Variants in CDK14 observed in about 807,000 individuals in gnomAD.
CDK14 encodes cyclin-dependent kinase 14.
Under a neutral mutation model 60.7 loss-of-function variants are expected in CDK14, and 34 were observed. The observed-to-expected ratio is 0.56, with a 90% confidence interval of 0.43 to 0.75. The LOEUF (loss-of-function observed/expected upper bound fraction) is 0.75. Among genes scored for constraint, CDK14 ranks in the 30% least tolerant of loss-of-function variants. The pLI is 0.00. For synonymous variants in CDK14, 197 were observed against 203.7 expected, an observed-to-expected ratio of 0.97 and a Z score of 0.28; for missense variants, 482 against 564.1, an observed-to-expected ratio of 0.85 and a Z score of 1.47.
chr7:90,606,037 C>G (rs17874809), intron 2 of CDK14, among the ~76,000 whole-genome samples: 2 of 152,166 alleles, frequency 1.3e-5, no homozygotes, highest in Non-Finnish European at 1.5e-5. Context: ...TCATCCTTAG[C>G]TTTTGCAAAG....
At chr7:90,635,070 C>A (rs1314579201) in intron 2 of CDK14, among the ~76,000 whole-genome samples, 1 of 151,880 alleles carries the variant, frequency 6.6e-6, no homozygotes, top group African/African-American at 2.4e-5. Context: ...AAATTTTCTC[C>A]CATTTTGTAG....
At chr7:90,698,473 A>G (rs1563048947) in intron 2 of CDK14, among the ~76,000 whole-genome samples, 1 of 152,214 alleles carries the variant, frequency 6.6e-6, no homozygotes, top group Non-Finnish European at 1.5e-5. Context: ...ATACATAGAT[A>G]ATATGCATCA....
chr7:90,954,376 A>C (rs1794346282), intron 8 of CDK14, among the ~76,000 whole-genome samples: 1 of 152,154 alleles, frequency 6.6e-6, no homozygotes, highest in African/African-American at 2.4e-5. Context: ...TGCTATAAAC[A>C]TAACAGTAAA....
chr7:91,093,986 G>A (rs1166994873), intron 12 of CDK14, among the ~76,000 whole-genome samples: 1 of 152,038 alleles, frequency 6.6e-6, no homozygotes, highest in Non-Finnish European at 1.5e-5. Context: ...AGTATTCATG[G>A]ACACAAAGAT....
At chr7:90,697,811 G>A (rs1801693582) in intron 2 of CDK14, among the ~76,000 whole-genome samples, 1 of 152,034 alleles carries the variant, frequency 6.6e-6, no homozygotes, top group South Asian at 2.1e-4. Flanking sequence ...GCTCACACCT[G>A]TAATCCCAGC....
chr7:90,955,667 A>G (rs1305220314), intron 8 of CDK14, 30 bp from the exon 9 acceptor site: 3 of 1,610,922 alleles, frequency 1.9e-6, no homozygotes, highest in African/African-American at 2.7e-5. Context: ...AATGCCTGTT[A>G]AACTTCTTTA....
At chr7:90,730,845 C>T (rs181141556) in intron 3 of CDK14, among the ~76,000 whole-genome samples, 1 of 152,310 alleles carries the variant, frequency 6.6e-6, no homozygotes, top group East Asian at 1.9e-4. Flanking sequence ...TGTGCAGGAG[C>T]TCTTTCGTTT....
chr7:90,861,063 G>A (rs1299108765), intron 5 of CDK14, among the ~76,000 whole-genome samples: 4 of 152,128 alleles, frequency 2.6e-5, no homozygotes, highest in Non-Finnish European at 5.9e-5. Context: ...GGTCAAACTT[G>A]AGGAAGAGCT....
intron 9 of CDK14, among the ~76,000 whole-genome samples, chr7:90,966,855 A>G (rs754974001): frequency 6.6e-6 from 1 of 152,118 alleles, no homozygotes; most frequent in Non-Finnish European, 1.5e-5. Context: ...GCTGTAACTC[A>G]CTGCCTGTGG....
intron 5 of CDK14, among the ~76,000 whole-genome samples, chr7:90,818,968 G>T (rs778596942): frequency 2.6e-4 from 40 of 151,716 alleles, no homozygotes; most frequent in Admixed American, 5.3e-4. Flanking sequence ...TATACATATT[G>T]CTGTATTTGG....
At chr7:90,887,652 A>G (rs1012142151) in intron 6 of CDK14, among the ~76,000 whole-genome samples, 3 of 152,314 alleles carry the variant, frequency 2.0e-5, no homozygotes, top group African/African-American at 7.2e-5. Flanking sequence ...TCAGATATTC[A>G]TGACCATGTT....
intron 8 of CDK14, among the ~76,000 whole-genome samples, chr7:90,936,742 C>G (rs1396149139): frequency 6.6e-6 from 1 of 152,154 alleles, no homozygotes; most frequent in Non-Finnish European, 1.5e-5. Context: ...CACTTACTTC[C>G]TGGTACACGA....
rs578102527 is a variant in CDK14, at chr7:90,639,201, G to C, written c.123+34952G>C. On this transcript the variant is annotated intron_variant, in intron 2 of 14. Coordinates refer to ENST00000380050, the MANE Select transcript of CDK14 (RefSeq NM_001287135.2). ...AACTGCGTTCCTTTGGAGGAGGAGA[G>C]GTGCTCTGCTTAGAGTTTCCAGTTT... is the stretch of plus-strand genomic sequence containing the variant. 1.5e-3 allele frequency among the ~76,000 whole-genome samples: 228 copies of C among 152,238 alleles called. 1 individual carries two copies. Among genetic ancestry groups the C allele is most frequent in the African/African-American group, 5.3e-3 (222 of 41,530 alleles).
chr7:91,079,891 C>T (rs907156852), intron 12 of CDK14, among the ~76,000 whole-genome samples: 1 of 152,162 alleles, frequency 6.6e-6, no homozygotes, highest in African/African-American at 2.4e-5. Flanking sequence ...GCATATTTTT[C>T]CCTTACGCCT....
intron 5 of CDK14, among the ~76,000 whole-genome samples, chr7:90,841,336 G>T (rs377382038): frequency 3.9e-5 from 6 of 152,028 alleles, no homozygotes; most frequent in African/African-American, 1.4e-4. Flanking sequence ...CTCATCAGCT[G>T]TAAAAAATAT....
intron 5 of CDK14, among the ~76,000 whole-genome samples, chr7:90,807,278 G>T (rs1788888866): frequency 1.3e-5 from 2 of 152,284 alleles, no homozygotes; most frequent in South Asian, 4.2e-4. Context: ...ACTTGCAGAG[G>T]AATGATCAGG....
In CDK14 at chr7:90,696,341, T is replaced by C. The variant is rs1471473524; in HGVS notation, c.124-30226T>C. Among the ~76,000 whole-genome samples, 520 of 122,000 alleles carry C rather than the reference T, an allele frequency of 4.3e-3. 8 individuals are homozygous for C. Among genetic ancestry groups the C allele is most frequent in the African/African-American group, 0.013 (415 of 32,928 alleles). The allele number at this position is 122,000 out of a possible 152,430, so 80.0% of individuals were successfully genotyped here. A position where few individuals can be genotyped will look rare whatever the true frequency, so the allele number is the denominator to read the frequency against. ...TTGGTTTTGTACTTCTTCTTCTTTTTTTTTTTTTTTTTTTTTTGAGACAGA... is the reference window on the plus strand; with the variant it reads ...TTGGTTTTGTACTTCTTCTTCTTTTCTTTTTTTTTTTTTTTTTGAGACAGA... On this transcript the variant is annotated intron_variant, in intron 2 of 14. Transcript: ENST00000380050.
At chr7:90,659,314 C>G (rs915822904) in intron 2 of CDK14, among the ~76,000 whole-genome samples, 3 of 152,116 alleles carry the variant, frequency 2.0e-5, no homozygotes, top group African/African-American at 7.2e-5. Context: ...CAAAGCAAGA[C>G]AATAATCCCT....
At chr7:90,684,813 C>T (rs531330535) in intron 2 of CDK14, among the ~76,000 whole-genome samples, 2 of 152,264 alleles carry the variant, frequency 1.3e-5, no homozygotes, top group Non-Finnish European at 2.9e-5. Context: ...ATTTATCCAT[C>T]TACCCACCCA....
Sources: gnomAD v4.1 joint callset for allele counts (sites outside exome capture counted in the v4.1 genomes callset) on GRCh38, gnomAD v4.1.1 for gene constraint, MANE v1.5 for transcripts, NCBI Gene and HGNC (gene_info 2026-07-23, HGNC 2026-07-21) for gene names.